Variants in NRCAM observed in about 807,000 individuals in gnomAD.
NRCAM encodes neuronal cell adhesion molecule, also known as NgCAM-related cell adhesion molecule.
NRCAM carries 83 observed loss-of-function variants against 156.5 expected under a neutral mutation model. The observed-to-expected ratio is 0.53, with a 90% CI of 0.44 to 0.64. NRCAM has a LOEUF of 0.64. Ranked by LOEUF, NRCAM falls within the 30% of genes least tolerant of loss-of-function variation. The probability of loss-of-function intolerance (pLI) is 0.00; values close to 1 mark genes in which losing one functional copy is unlikely to be tolerated. For synonymous variants in NRCAM, 538 were observed against 563.9 expected (o/e 0.95, Z 0.65); for missense variants, 1,417 against 1,597.3 (o/e 0.89, Z 1.92).
At chr7:108,201,973 T>A (rs1563414697) in intron 13 of NRCAM, among the ~76,000 whole-genome samples, 1 of 152,148 alleles carries the variant, frequency 6.6e-6, no homozygotes, top group African/African-American at 2.4e-5. Flanking sequence ...GGAGGCTCGG[T>A]TGGTAGCTGG....
intron 2 of NRCAM, among the ~76,000 whole-genome samples, chr7:108,316,237 T>C (rs1354485587): frequency 6.6e-6 from 1 of 152,204 alleles, no homozygotes; most frequent in Non-Finnish European, 1.5e-5. Context: ...CTCTTCCTCT[T>C]GCTTTCATGT....
chr7:108,249,096 T>C (rs1172509629), intron 3 of NRCAM, among the ~76,000 whole-genome samples: 2 of 152,202 alleles, frequency 1.3e-5, no homozygotes, highest in African/African-American at 4.8e-5. Flanking sequence ...TGAGCATGTG[T>C]GTTGGGGAGG....
chr7:108,369,656 A>G (rs544509685), intron 2 of NRCAM, among the ~76,000 whole-genome samples: 1 of 152,232 alleles, frequency 6.6e-6, no homozygotes, highest in East Asian at 1.9e-4. Flanking sequence ...CTAGTACACT[A>G]AGAAGTTCTG....
chr7:108,337,367 T>A (rs1246621574), intron 2 of NRCAM, among the ~76,000 whole-genome samples: 2 of 152,018 alleles, frequency 1.3e-5, no homozygotes, highest in East Asian at 3.9e-4. Context: ...ACTCTTCTGG[T>A]CCATGTTTGT....
intron 2 of NRCAM, among the ~76,000 whole-genome samples, chr7:108,388,852 C>T (rs1465793829): frequency 1.3e-5 from 2 of 152,220 alleles, no homozygotes; most frequent in African/African-American, 4.8e-5. Flanking sequence ...TCAGGTTTGT[C>T]AAAGATCAGA....
chr7:108,388,849 T>C (rs1433367324), intron 2 of NRCAM, among the ~76,000 whole-genome samples: 1 of 152,214 alleles, frequency 6.6e-6, no homozygotes, highest in Admixed American at 6.5e-5. Context: ...TTGTCAGGTT[T>C]GTCAAAGATC....
At chr7:108,286,903 G>A (rs573230098) in intron 3 of NRCAM, among the ~76,000 whole-genome samples, 12 of 152,200 alleles carry the variant, frequency 7.9e-5, no homozygotes, top group Non-Finnish European at 7.4e-5. Flanking sequence ...AATCCTAAAC[G>A]GGTAATTTTT....
intron 2 of NRCAM, among the ~76,000 whole-genome samples, chr7:108,397,014 G>A (rs2108256): frequency 0.33 from 50,042 of 152,038 alleles, 8,693 homozygotes; most frequent in East Asian, 0.49. Context: ...ATTAACCAAA[G>A]CAAGTGTCAT....
At chr7:108,175,929 C>T (rs1346924127) in intron 27 of NRCAM, among the ~76,000 whole-genome samples, 2 of 152,090 alleles carry the variant, frequency 1.3e-5, no homozygotes, top group African/African-American at 4.8e-5. Flanking sequence ...TAAATGCACT[C>T]TTTAATAACT....
intron 10 of NRCAM, 117 bp from the exon 11 acceptor site, chr7:108,223,953 T>C (rs1255017192): frequency 8.1e-6 from 5 of 618,034 alleles, no homozygotes; most frequent in Non-Finnish European, 1.4e-5. Context: ...TTAACATTAA[T>C]TGTGAAATTT....
intron 2 of NRCAM, among the ~76,000 whole-genome samples, chr7:108,316,371 TA>T (rs1450707734): frequency 6.6e-6 from 1 of 152,220 alleles, no homozygotes; most frequent in Non-Finnish European, 1.5e-5. Flanking sequence ...ATGAGCCAAA[TA>T]CATTTATTTT....
chr7:108,290,127 A>T (rs571560825), intron 3 of NRCAM, among the ~76,000 whole-genome samples: 1 of 152,300 alleles, frequency 6.6e-6, no homozygotes, highest in East Asian at 1.9e-4. Context: ...AAAGGTTAAC[A>T]TTCAATGTTA....
intron 30 of NRCAM, among the ~76,000 whole-genome samples, chr7:108,164,504 A>G (rs565488092): frequency 2.7e-3 from 388 of 143,350 alleles, no homozygotes; most frequent in Non-Finnish European, 4.7e-3. Flanking sequence ...TTAGCCAATG[A>G]TAGGCTTTCA....
chr7:108,429,048 A>G (rs1369020321), intron 1 of NRCAM, among the ~76,000 whole-genome samples: 4 of 152,178 alleles, frequency 2.6e-5, no homozygotes, highest in Non-Finnish European at 1.5e-5. Context: ...TGTTTTGTTC[A>G]GAGGGCATGG....
intron 31 of NRCAM, 130 bp downstream of exon 31, chr7:108,160,231 G>T: frequency 1.2e-6 from 1 of 829,134 alleles, no homozygotes; most frequent in Non-Finnish European, 1.9e-6. Context: ...AAAGTCATTT[G>T]AAGAGAAAGT....
intron 28 of NRCAM, among the ~76,000 whole-genome samples, chr7:108,169,421 C>CAATA (rs1239140000): frequency 2.0e-5 from 3 of 152,040 alleles, no homozygotes; most frequent in African/African-American, 7.2e-5. Context: ...CAGACAGCAT[C>CAATA]AATAGGTTTA....
chr7:108,287,892 A>G (rs1305844235), intron 3 of NRCAM, among the ~76,000 whole-genome samples: 3 of 152,150 alleles, frequency 2.0e-5, no homozygotes, highest in African/African-American at 7.2e-5. Flanking sequence ...AAAAAAGATC[A>G]TTTTATCAAA....
At chr7:108,254,500 T>C (rs2096531886) in intron 3 of NRCAM, among the ~76,000 whole-genome samples, 1 of 151,904 alleles carries the variant, frequency 6.6e-6, no homozygotes, top group African/African-American at 2.4e-5. Context: ...AATCCTCACA[T>C]ATTGCTATGG....
chr7:108,423,003 G>T (rs1427488536), intron 1 of NRCAM, among the ~76,000 whole-genome samples: 5 of 152,002 alleles, frequency 3.3e-5, no homozygotes, highest in Admixed American at 3.3e-4. Context: ...CCTGCCTCCT[G>T]CCCAGGGAAA....
Sources: allele counts gnomAD v4.1 joint callset (sites outside exome capture counted in the v4.1 genomes callset), GRCh38; gene constraint gnomAD v4.1.1; transcripts MANE v1.5; gene names NCBI Gene and HGNC (gene_info 2026-07-23, HGNC 2026-07-21).